CELF2: variants seen among roughly 807,000 people sequenced by gnomAD.
CELF2 encodes the protein CUG triplet repeat RNA-binding protein 2.
A neutral mutation model predicts 62.6 loss-of-function variants in CELF2; 8 were observed. The observed-to-expected ratio is 0.13, with a 90% CI of 0.07 to 0.23. The LOEUF (loss-of-function observed/expected upper bound fraction) is 0.23, where lower values mean the gene tolerates loss of function less well. CELF2 is among the 10% of genes least tolerant of loss of function. CELF2 has a pLI of 1.00. For missense variants in CELF2, 333 were observed against 671.0 expected (o/e 0.50, Z 5.56); for synonymous variants, 258 against 250.0 (o/e 1.03, Z -0.30).
chr10:10,792,461 C>T, the CELF2 span: 1 of 398,378 alleles, frequency 2.5e-6, no homozygotes. Flanking sequence ...TGACTGGCAA[C>T]TTGGCAACTG....
At chr10:10,657,465 A>G in the CELF2 span, among the ~76,000 whole-genome samples, 1 of 152,192 alleles carries the variant, frequency 6.6e-6, no homozygotes, top group Non-Finnish European at 1.5e-5. Flanking sequence ...AGTACTTTAA[A>G]TGCGTGAGTT....
intron 1 of CELF2, among the ~76,000 whole-genome samples, chr10:11,121,457 T>C (rs2057723469): frequency 6.6e-6 from 1 of 152,146 alleles, no homozygotes; most frequent in Non-Finnish European, 1.5e-5. Flanking sequence ...TTGCTGTCCC[T>C]CCCTTCTTTC....
chr10:10,655,565 C>A, the CELF2 span, among the ~76,000 whole-genome samples: 1 of 111,722 alleles, frequency 9.0e-6, no homozygotes, highest in Non-Finnish European at 2.0e-5. Context: ...AGAAATAACG[C>A]CGCATATCTA....
intron 9 of CELF2, among the ~76,000 whole-genome samples, chr10:11,307,453 AC>A (rs1401014886): frequency 1.3e-5 from 2 of 152,222 alleles, no homozygotes; most frequent in African/African-American, 2.4e-5. Flanking sequence ...GAAAAGTGTT[AC>A]CTGCTTTCAT....
the CELF2 span, among the ~76,000 whole-genome samples, chr10:10,489,070 A>G: frequency 5.9e-5 from 9 of 152,072 alleles, no homozygotes; most frequent in African/African-American, 2.2e-4. Flanking sequence ...TCTGATACAC[A>G]TCTCAAACAC....
chr10:10,625,447 G>T, the CELF2 span, among the ~76,000 whole-genome samples: 118 of 152,290 alleles, frequency 7.7e-4, no homozygotes, highest in African/African-American at 2.7e-3. Context: ...GCAACACTGC[G>T]TATCTCTGAA....
At chr10:10,804,013 T>C (rs1033294011) in intron 1 of CELF2, among the ~76,000 whole-genome samples, 2 of 152,238 alleles carry the variant, frequency 1.3e-5, no homozygotes, top group African/African-American at 4.8e-5. Flanking sequence ...AGTTGAGTAA[T>C]TCTATCTTCA....
chr10:11,120,006 T>C (rs2052928129), intron 1 of CELF2, among the ~76,000 whole-genome samples: 1 of 152,152 alleles, frequency 6.6e-6, no homozygotes, highest in African/African-American at 2.4e-5. Context: ...GTTATTTGTT[T>C]ATGCTTCCAT....
chr10:10,651,243 G>A, the CELF2 span, among the ~76,000 whole-genome samples: 3 of 133,006 alleles, frequency 2.3e-5, no homozygotes, highest in South Asian at 9.7e-4. Context: ...CTCGCTGATT[G>A]CTAGCACAGC....
intron 2 of CELF2, among the ~76,000 whole-genome samples, chr10:11,173,207 G>A (rs2069572616): frequency 6.6e-6 from 1 of 152,214 alleles, no homozygotes; most frequent in Non-Finnish European, 1.5e-5. Context: ...GGGGGCATTA[G>A]GCAACCAGTC....
chr10:11,281,375 G>A (rs1423965577), intron 8 of CELF2, among the ~76,000 whole-genome samples: 1 of 152,150 alleles, frequency 6.6e-6, no homozygotes, highest in African/African-American at 2.4e-5. Context: ...CTGAGGCAGC[G>A]GCGGACGAGG....
chr10:10,971,400 G>A (rs929294627), intron 2 of CELF2, among the ~76,000 whole-genome samples: 4 of 151,730 alleles, frequency 2.6e-5, no homozygotes, highest in African/African-American at 9.7e-5. Context: ...TCTTTCTCTC[G>A]CTCGCTCACT....
the CELF2 span, among the ~76,000 whole-genome samples, chr10:10,639,612 A>G: frequency 6.6e-6 from 1 of 152,322 alleles, no homozygotes; most frequent in South Asian, 2.1e-4. Context: ...TATCTTTAAA[A>G]TCCTTCAAAA....
upstream of CELF2, among the ~76,000 whole-genome samples, chr10:11,017,139 C>G (rs1474744339): frequency 6.6e-6 from 1 of 152,182 alleles, no homozygotes; most frequent in African/African-American, 2.4e-5. This position sits in a 1 kb window ranked among gnomAD's most constrained non-coding sequence, Gnocchi z 5.5. Flanking sequence ...GGCCATTTTT[C>G]TCAATTCTTG....
At chr10:11,092,950 A>G (rs1232221031) in intron 1 of CELF2, among the ~76,000 whole-genome samples, 1 of 152,164 alleles carries the variant, frequency 6.6e-6, no homozygotes, top group African/African-American at 2.4e-5. Flanking sequence ...TTTTCTTTGC[A>G]CTTGTCTGTT....
chr10:10,471,958 TTAG>T, the CELF2 span, among the ~76,000 whole-genome samples: 1 of 151,886 alleles, frequency 6.6e-6, no homozygotes, highest in East Asian at 1.9e-4. Context: ...CTTAGGAGAG[TTAG>T]TAGTCAATCA....
chr10:11,035,357 G>A (rs1687844813), intron 1 of CELF2, among the ~76,000 whole-genome samples: 1 of 152,192 alleles, frequency 6.6e-6, no homozygotes, highest in African/African-American at 2.4e-5. Context: ...CTGGTGCCTG[G>A]ATTTAATGTG....
chr10:10,745,216 TC>T, the CELF2 span, among the ~76,000 whole-genome samples: 1 of 152,214 alleles, frequency 6.6e-6, no homozygotes, highest in Non-Finnish European at 1.5e-5. Flanking sequence ...ATTTTCTGTT[TC>T]TTCCATCATC....
At chr10:11,051,073 T>C (rs1053938114) in intron 1 of CELF2, among the ~76,000 whole-genome samples, 2 of 152,210 alleles carry the variant, frequency 1.3e-5, no homozygotes, top group South Asian at 2.1e-4. Flanking sequence ...ACAGATCTAA[T>C]GTTGCCTTCT....
Sources: allele counts gnomAD v4.1 joint callset (sites outside exome capture counted in the v4.1 genomes callset), GRCh38; gene constraint gnomAD v4.1.1; non-coding constraint Gnocchi (gnomAD v3.1); transcripts MANE v1.5; gene names NCBI Gene and HGNC (gene_info 2026-07-23, HGNC 2026-07-21).